Variants in TNS1 observed in about 807,000 individuals in gnomAD.
TNS1 encodes tensin 1, also known as tensin-1.
A neutral mutation model predicts 168.6 loss-of-function variants in TNS1; 62 were observed. The observed-to-expected ratio is 0.37, with a 90% CI of 0.30 to 0.45. The LOEUF (loss-of-function observed/expected upper bound fraction) is 0.45, where lower values mean the gene tolerates loss of function less well. Ranked by LOEUF, TNS1 falls within the 20% of genes least tolerant of loss-of-function variation. TNS1 has a pLI of 1.00. For synonymous variants in TNS1, 934 were observed against 933.2 expected (o/e 1.00, Z -0.02); for missense variants, 2,240 against 2,339.4 (o/e 0.96, Z 0.88).
rs1026278652 is a variant in TNS1 at position 217,948,821 on chromosome 2, A to G, written c.187-28585T>C. On this transcript the variant is annotated intron_variant, in intron 3 of 32. Coordinates refer to ENST00000682258, the MANE Select transcript of TNS1 (RefSeq NM_001387777.1). This position sits in a 1 kb window ranked among gnomAD's most constrained non-coding sequence, Gnocchi z 4.1. ...CCTCTATGACATCTCATTGGCATGC[A>G]TCTGCATTTGCATCCTCTCTCAAAG... Among the ~76,000 whole-genome samples, 1 of 152,160 alleles carries G rather than the reference A, an allele frequency of 6.6e-6. No individual in the cohort carries two copies. Among genetic ancestry groups the G allele is most frequent in the Non-Finnish European group, 1.5e-5 (1 of 68,020 alleles).
At chr2:217,809,416 CATGGATGGATGGATGGATGG>C (rs1940181713) in intron 30 of TNS1, among the ~76,000 whole-genome samples, 33 of 3,890 alleles carry the variant, frequency 8.5e-3, no homozygotes, top group South Asian at 0.018. Flanking sequence ...TGGATGGATG[CATGGATGGATGGATGGATGG>C]ATGGATGGAT....
intron 8 of TNS1, among the ~76,000 whole-genome samples, chr2:217,896,159 A>C (rs1952271911): frequency 6.6e-6 from 1 of 152,238 alleles, no homozygotes; most frequent in African/African-American, 2.4e-5. Context: ...TAAACAGCTA[A>C]GATCATGTAG....
chr2:217,957,529 A>T (rs1957395333), intron 3 of TNS1, among the ~76,000 whole-genome samples: 1 of 152,180 alleles, frequency 6.6e-6, no homozygotes, highest in Admixed American at 6.5e-5. Flanking sequence ...GCCGGTGAAG[A>T]TGGTGGCAAT....
intron 3 of TNS1, among the ~76,000 whole-genome samples, chr2:217,929,876 C>T (rs547897972): frequency 6.6e-6 from 1 of 152,318 alleles, no homozygotes; most frequent in African/African-American, 2.4e-5. Context: ...CAACAGCCTA[C>T]AACACTGGTC....
chr2:217,900,918 T>C (rs900162359), intron 6 of TNS1, among the ~76,000 whole-genome samples: 2 of 152,188 alleles, frequency 1.3e-5, no homozygotes, highest in African/African-American at 4.8e-5. Flanking sequence ...ATGAGAGTAA[T>C]GGCGCCCCTC....
chr2:217,999,003 AGCTGCGT>A (rs1247317810), intron 1 of TNS1, among the ~76,000 whole-genome samples: 1 of 152,174 alleles, frequency 6.6e-6, no homozygotes, highest in Non-Finnish European at 1.5e-5. Flanking sequence ...AAGGATGGAA[AGCTGCGT>A]GGGGGGTGTG....
At chr2:217,959,964 C>T (rs1304403856) in intron 3 of TNS1, among the ~76,000 whole-genome samples, 3 of 152,026 alleles carry the variant, frequency 2.0e-5, no homozygotes, top group Admixed American at 1.3e-4. Context: ...ATCATCCTCA[C>T]GTGTGAAGGG....
At chr2:217,966,909 C>G (rs969977544) in intron 3 of TNS1, among the ~76,000 whole-genome samples, 1 of 150,122 alleles carries the variant, frequency 6.7e-6, no homozygotes. Flanking sequence ...GGTGTTAAGA[C>G]TTTCCCTTCA....
At chr2:217,914,041 G>A (rs1462110018) in intron 4 of TNS1, among the ~76,000 whole-genome samples, 1 of 145,838 alleles carries the variant, frequency 6.9e-6, no homozygotes, top group Admixed American at 7.0e-5. Context: ...CGCCCTTTCT[G>A]TTTCAGCCCT....
At position 217,986,231 on chromosome 2, in the gene TNS1, C is replaced by A. The variant is rs1344596858; in HGVS notation, c.148+4711G>T. Reference sequence around the variant, plus strand: ...AGACACAGGGCAGAAGCTAGGTTCCCCAGTGAAGTAACAGGGGGAAAGAGT... The same window carrying A: ...AGACACAGGGCAGAAGCTAGGTTCCACAGTGAAGTAACAGGGGGAAAGAGT... On this transcript the variant is annotated intron_variant, in intron 2 of 32. Transcript: ENST00000682258. This position sits in a 1 kb window ranked among gnomAD's most constrained non-coding sequence, Gnocchi z 4.7. Among the ~76,000 whole-genome samples, 1 of 152,192 alleles carries A rather than the reference C, an allele frequency of 6.6e-6. No individual in the cohort carries two copies. Among genetic ancestry groups the A allele is most frequent in the Non-Finnish European group, 1.5e-5 (1 of 68,020 alleles).
At position 217,849,005 on chromosome 2, in the gene TNS1, G is replaced by C; in HGVS notation, c.1512C>G (p.Thr504=). Residue 504 remains threonine (T), a synonymous_variant, in exon 19 of 33, where the codon ACC becomes ACG. Coordinates refer to ENST00000682258, the MANE Select transcript of TNS1 (RefSeq NM_001387777.1). The part of the protein sequence containing the change: ...VKKKDSLHGS[T]GAVNATRPTL... Reference sequence around the variant, plus strand: ...TAGGACGTGTGGCATTAACAGCCCCGGTGCTGCCGTGCAGGGAGTCTTTCT... The same window carrying C: ...TAGGACGTGTGGCATTAACAGCCCCCGTGCTGCCGTGCAGGGAGTCTTTCT... The C allele has an allele frequency of 1.2e-6, 2 of 1,614,060 alleles. No homozygotes were observed. Among genetic ancestry groups the C allele is most frequent in the African/African-American group, 1.3e-5 (1 of 75,004 alleles).
Position 217,817,619 on chromosome 2 carries a change from G to T in TNS1, c.4642+71C>A, listed in dbSNP as rs1574603229. The T allele has an allele frequency of 1.3e-5, 17 of 1,321,452 alleles. No homozygotes were observed. In the South Asian group the frequency reaches 2.3e-4, roughly 18 times the overall value. The allele number at this position is 1,321,452 out of a possible 1,614,324, so 81.9% of individuals were successfully genotyped here. A position where few individuals can be genotyped will look rare whatever the true frequency, so the allele number is the denominator to read the frequency against. On this transcript the variant is annotated intron_variant, in intron 24 of 32. Coordinates refer to ENST00000682258, the MANE Select transcript of TNS1 (RefSeq NM_001387777.1). ...CCAAGAGAATGTCAGAATAGACACT[G>T]GGATAGATATTTCACTCTTCTACTT...
intron 18 of TNS1, among the ~76,000 whole-genome samples, chr2:217,854,577 T>A (rs3791969): frequency 0.3 from 45,044 of 152,052 alleles, 6,844 homozygotes; most frequent in Middle Eastern, 0.39. Context: ...AGACATAGGC[T>A]GTTTGGAGGC....
In TNS1 at chr2:217,941,676, C is replaced by T. The variant is rs898772189; in HGVS notation, c.187-21440G>A. On this transcript the variant is annotated intron_variant, in intron 3 of 32. Transcript: ENST00000682258. ...TCCCAAGAGACCATCCAGGTCATCG[C>T]CTCTAACCACATCCCAGCCCAGGAA... Among the ~76,000 whole-genome samples, 30 of 152,118 alleles carry T rather than the reference C, an allele frequency of 2.0e-4. 1 individual carries two copies. Among genetic ancestry groups the T allele is most frequent in the Non-Finnish European group, 1.5e-5 (1 of 68,026 alleles).
chr2:218,000,878 G>A (rs1033184328), intron 1 of TNS1, among the ~76,000 whole-genome samples: 4 of 152,178 alleles, frequency 2.6e-5, no homozygotes, highest in African/African-American at 9.7e-5. Flanking sequence ...AAGGCCAGGC[G>A]CAGTGGCTCA....
chr2:218,032,876 A>G lies in TNS1; in HGVS notation c.156+944T>C, dbSNP rs1322279084. Among the ~76,000 whole-genome samples the G allele has an allele frequency of 3.3e-5, 5 of 151,546 alleles. No individual in the cohort carries two copies. The East Asian group carries it at 9.7e-4, about 30-fold the overall frequency. On this transcript the variant is annotated intron_variant, in intron 1 of 1. Transcript: ENST00000649572. This position sits in a 1 kb window ranked among gnomAD's most constrained non-coding sequence, Gnocchi z 4.0. Reference sequence around the variant, plus strand: ...AGAAACCAGCTCATCTGATGCAGACACTCGTCCCCATCCCTCTCCCTGCCA... The same window carrying G: ...AGAAACCAGCTCATCTGATGCAGACGCTCGTCCCCATCCCTCTCCCTGCCA...
chr2:217,846,316 G>A (rs1271514812), intron 19 of TNS1, among the ~76,000 whole-genome samples: 1 of 152,152 alleles, frequency 6.6e-6, no homozygotes, highest in Non-Finnish European at 1.5e-5. Flanking sequence ...TGAAGTATAG[G>A]AGCAGGGAGC....
At chr2:217,956,333 T>G (rs935864296) in intron 3 of TNS1, among the ~76,000 whole-genome samples, 1 of 151,760 alleles carries the variant, frequency 6.6e-6, no homozygotes, top group African/African-American at 2.4e-5. Flanking sequence ...TGGATCAGGG[T>G]GAAGGGCTGA....
chr2:217,874,011 C>T (rs544878239), intron 18 of TNS1, among the ~76,000 whole-genome samples: 2 of 136,720 alleles, frequency 1.5e-5, no homozygotes, highest in Admixed American at 1.5e-4. Context: ...CCACCACCCC[C>T]GCCCCCCAAC....
Sources: gnomAD v4.1 joint callset for allele counts (sites outside exome capture counted in the v4.1 genomes callset) on GRCh38, gnomAD v4.1.1 for gene constraint, Gnocchi (gnomAD v3.1) non-coding constraint, MANE v1.5 for transcripts, NCBI Gene and HGNC (gene_info 2026-07-23, HGNC 2026-07-21) for gene names.